Variants in AMH observed in about 807,000 individuals in gnomAD.
AMH encodes anti-Mullerian hormone.
Under a neutral mutation model 33.3 loss-of-function variants are expected in AMH, and 39 were observed. That is an observed-to-expected ratio of 1.17 (90% CI 0.91 to 1.53). The LOEUF (loss-of-function observed/expected upper bound fraction) is 1.53. Ranked by LOEUF, AMH falls within the 40% of genes most tolerant of loss-of-function variation. The probability of loss-of-function intolerance (pLI) is 0.00; values close to 1 mark genes in which losing one functional copy is unlikely to be tolerated. For synonymous variants in AMH, 536 were observed against 403.0 expected, an observed-to-expected ratio of 1.33 and a Z score of -3.95; for missense variants, 1,019 against 799.8, an observed-to-expected ratio of 1.27 and a Z score of -3.30.
chr19:2,249,735 C>T lies in AMH; in HGVS notation c.403C>T (p.Leu135=), dbSNP rs1262939460. Residue 135 remains leucine, a synonymous_variant, in exon 1 of 5, where the codon CTG becomes TTG. Coordinates refer to ENST00000221496, the MANE Select transcript of AMH (RefSeq NM_000479.5). ...PGGQRLVVLH[L]EEVTWEPTPS... ...GGGGCAGCGCCTGGTGGTCCTACAC[C>T]TGGAGGAAGGTATGTGGGGCCCAGC... 2.0e-6 allele frequency: 3 copies of T among 1,504,474 alleles called. No individual in the cohort carries two copies. Among genetic ancestry groups the T allele is most frequent in the African/African-American group, 1.4e-5 (1 of 71,616 alleles). 93.2% of individuals were successfully genotyped at this position (1,504,474 alleles called of 1,614,324 possible).
chr19:2,249,780 TCTTC>T (rs768622887), intron 1 of AMH, 36 bp downstream of exon 1: 2 of 1,471,896 alleles, frequency 1.4e-6, no homozygotes, highest in African/African-American at 1.4e-5. Context: ...GGCACCGCCG[TCTTC>T]CTTCAGGTGG....
rs1331128032 is a variant in AMH, at chr19:2,250,642, G to T, written c.556-10G>T. ...CTCCATCCAGCCGGGCTGAGCCCTGGTCTCCGCAGAGCCTCTGCCCCTCCC... is the reference window on the plus strand; with the variant it reads ...CTCCATCCAGCCGGGCTGAGCCCTGTTCTCCGCAGAGCCTCTGCCCCTCCC... On this transcript the variant is annotated splice_polypyrimidine_tract_variant and intron_variant, in intron 2 of 4. Transcript: ENST00000221496. 3.2e-6 allele frequency: 5 copies of T among 1,538,700 alleles called. No homozygotes were observed. Among genetic ancestry groups the T allele is most frequent in the Non-Finnish European group, 4.4e-6 (5 of 1,146,766 alleles).
At position 2,250,920 on chromosome 19, in the gene AMH, AC is replaced by A; in HGVS notation, c.740del (p.Pro247ArgfsTer81). 1 of 1,562,822 alleles carries A rather than the reference AC, an allele frequency of 6.4e-7. No homozygotes were observed. The highest frequency in any genetic ancestry group is 8.6e-7 in the Non-Finnish European group (1 of 1,163,104). On this transcript the variant is annotated frameshift_variant, in exon 4 of 5. Transcript: ENST00000221496. LOFTEE classifies it high-confidence loss of function. ...GDDHRCFTRM[T>X]PALLLLPRSE... is the part of the protein sequence containing the mutation. Reference sequence around the variant, plus strand: ...CGACCACCGCTGCTTCACACGGATGACCCCGGCCCTGCTCCTGCTGCCGCGG... The same window carrying A: ...CGACCACCGCTGCTTCACACGGATGACCCGGCCCTGCTCCTGCTGCCGCGG...
At chr19:2,250,288 G>A (rs2025006150) in intron 1 of AMH, 49 bp from the exon 2 acceptor site, 3 of 1,560,782 alleles carry the variant, frequency 1.9e-6, no homozygotes, top group African/African-American at 2.7e-5. Flanking sequence ...AGATTCCCGG[G>A]GGGTGTGGCC....
At position 2,251,714 on chromosome 19, in the gene AMH, C is replaced by T. The variant is rs756456416; in HGVS notation, c.1440C>T (p.Pro480=). The T allele has an allele frequency of 1.2e-6, 2 of 1,611,794 alleles. No individual in the cohort carries two copies. The highest frequency in any genetic ancestry group is 1.1e-5 in the South Asian group (1 of 91,084). The part of the protein sequence containing the change: ...DLRAERSVLI[P]ETYQANNCQG... ...GCGCCGAGCGCTCCGTACTCATCCC[C>T]GAGACCTACCAGGCCAACAATTGCC... The change falls in exon 5 of 5, where the codon CCC becomes CCT. Residue 480 remains proline (P), a synonymous_variant. Coordinates refer to ENST00000221496, the MANE Select transcript of AMH (RefSeq NM_000479.5).
In AMH at chr19:2,251,184, C is replaced by A. The variant is rs764425903; in HGVS notation, c.910C>A (p.Pro304Thr). 25 of 1,510,354 alleles carry A rather than the reference C, an allele frequency of 1.7e-5. No individual in the cohort carries two copies. In the South Asian group the frequency reaches 2.3e-4, roughly 14 times the overall value. 93.6% of individuals were successfully genotyped at this position (1,510,354 alleles called of 1,614,324 possible). A position where few individuals can be genotyped will look rare whatever the true frequency, so the allele number is the denominator to read the frequency against. ...LTRLVRALRV[P>T]PARASAPRLA... The stretch of plus-strand genomic sequence containing the variant: ...GCGCCTGGTGCGGGCGCTGCGGGTC[C>A]CCCCGGCCCGGGCCTCCGCGCCGCG... Residue 304 changes from proline (P) to threonine (T), a missense_variant, in exon 5 of 5, where the codon CCC becomes ACC. Pro to Thr is a conservative substitution (Grantham distance 38). Transcript: ENST00000221496.
rs2025038162 is a variant in AMH at position 2,251,306 on chromosome 19, G to A, written c.1032G>A (p.Glu344=). 4 of 1,502,956 alleles carry A rather than the reference G, an allele frequency of 2.7e-6. No individual in the cohort carries two copies. Among genetic ancestry groups the A allele is most frequent in the Non-Finnish European group, 3.5e-6 (4 of 1,133,786 alleles). The allele number at this position is 1,502,956 out of a possible 1,614,324, so 93.1% of individuals were successfully genotyped here. Residue 344 remains glutamate (E), a synonymous_variant, in exon 5 of 5, where the codon GAG becomes GAA. Transcript: ENST00000221496. ...AALERLLDGE[E]PLLLLLRPTA... is the part of the protein sequence containing the mutation. Reference sequence around the variant, plus strand: ...TGGAGCGCCTACTCGACGGCGAGGAGCCGCTGCTGCTGCTGCTGAGGCCCA... The same window carrying A: ...TGGAGCGCCTACTCGACGGCGAGGAACCGCTGCTGCTGCTGCTGAGGCCCA...
At chr19:2,250,263 A>AG in intron 1 of AMH, 74 bp from the exon 2 acceptor site, 1 of 1,541,522 alleles carries the variant, frequency 6.5e-7, no homozygotes. Context: ...CCAGAGCGGC[A>AG]GGGACAGATC....
rs144093812 is a variant in AMH at position 2,250,500 on chromosome 19, G to A, written c.555+21G>A. The stretch of plus-strand genomic sequence containing the variant: ...CCCAGGTACCAGGGAGTTGCATGGG[G>A]CAGTGCCCGGGCCGTGGCGGGGGGC... On this transcript the variant is annotated intron_variant, in intron 2 of 4. Coordinates refer to ENST00000221496, the MANE Select transcript of AMH (RefSeq NM_000479.5). The A allele has an allele frequency of 3.0e-4, 461 of 1,545,886 alleles. 3 individuals are homozygous for A. In the African/African-American group the frequency reaches 5.3e-3, roughly 18 times the overall value.
rs1475413277 is a variant in AMH at position 2,250,925 on chromosome 19, G to A, written c.741G>A (p.Pro247=). 5.1e-6 allele frequency: 8 copies of A among 1,559,298 alleles called. No homozygotes were observed. The Admixed American group carries it at 5.5e-5, about 11-fold the overall frequency. ...DDHRCFTRMT[P]ALLLLPRSEP... is the part of the protein sequence containing the mutation. Reference sequence around the variant, plus strand: ...ACCGCTGCTTCACACGGATGACCCCGGCCCTGCTCCTGCTGCCGCGGTCCG... The same window carrying A: ...ACCGCTGCTTCACACGGATGACCCCAGCCCTGCTCCTGCTGCCGCGGTCCG... The change falls in exon 4 of 5, where the codon CCG becomes CCA. Residue 247 remains proline (P), a synonymous_variant. Transcript: ENST00000221496.
chr19:2,251,971 C>G lies in AMH; in HGVS notation c.*14C>G. 1 of 1,537,898 alleles carries G rather than the reference C, an allele frequency of 6.5e-7. No individual in the cohort carries two copies. The highest frequency in any genetic ancestry group is 8.7e-7 in the Non-Finnish European group (1 of 1,149,192). On this transcript the variant is annotated 3_prime_UTR_variant, in exon 5 of 5. Coordinates refer to ENST00000221496, the MANE Select transcript of AMH (RefSeq NM_000479.5). ...GGCTGCCGGTGACCCCTGCGCCGCG[C>G]GGACTCCTGCCCCGAGGGTCCGGAC...
At position 2,252,061 on chromosome 19, in the gene AMH, G is replaced by A. The variant is rs557878429; in HGVS notation, c.*104G>A. 8 of 1,475,332 alleles carry A rather than the reference G, an allele frequency of 5.4e-6. No homozygotes were observed. In the African/African-American group the frequency reaches 7.0e-5, roughly 13 times the overall value. 91.4% of individuals were successfully genotyped at this position (1,475,332 alleles called of 1,614,324 possible). A position where few individuals can be genotyped will look rare whatever the true frequency, so the allele number is the denominator to read the frequency against. On this transcript the variant is annotated 3_prime_UTR_variant, in exon 5 of 5. Transcript: ENST00000221496. Reference sequence around the variant, plus strand: ...CCAAGCATCGCCCCAATAAAGACCAGCAAGCAACCGGCTGGGGTGTCCGTG... The same window carrying A: ...CCAAGCATCGCCCCAATAAAGACCAACAAGCAACCGGCTGGGGTGTCCGTG...
Position 2,251,318 on chromosome 19 carries a change from G to A in AMH, c.1044G>A (p.Leu348=). The change falls in exon 5 of 5, where the codon CTG becomes CTA. Residue 348 remains leucine (L), a synonymous_variant. Transcript: ENST00000221496. ...RLLDGEEPLL[L]LLRPTAATTG... is the part of the protein sequence containing the mutation. ...TCGACGGCGAGGAGCCGCTGCTGCT[G>A]CTGCTGAGGCCCACTGCGGCCACCA... 1 of 1,502,346 alleles carries A rather than the reference G, an allele frequency of 6.7e-7. No homozygotes were observed. The highest frequency in any genetic ancestry group is 8.8e-7 in the Non-Finnish European group (1 of 1,133,452). 93.1% of individuals were successfully genotyped at this position (1,502,346 alleles called of 1,614,324 possible).
rs759625629 is a variant in AMH at position 2,251,787 on chromosome 19, A to C, written c.1513A>C (p.Asn505His). Reference sequence around the variant, plus strand: ...GTCCGACCGCAACCCGCGCTACGGCAACCACGTGGTGCTGCTGCTGAAGAT... The same window carrying C: ...GTCCGACCGCAACCCGCGCTACGGCCACCACGTGGTGCTGCTGCTGAAGAT... ...PQSDRNPRYG[N>H]HVVLLLKMQV... The change falls in exon 5 of 5, where the codon AAC (asparagine) becomes CAC (histidine). Residue 505 changes from asparagine (N) to histidine (H), a missense_variant. Coordinates refer to ENST00000221496, the MANE Select transcript of AMH (RefSeq NM_000479.5). 1 of 1,609,868 alleles carries C rather than the reference A, an allele frequency of 6.2e-7. No homozygotes were observed. The highest frequency in any genetic ancestry group is 1.3e-5 in the African/African-American group (1 of 74,888).
rs775500338 is a variant in AMH at position 2,250,665 on chromosome 19, C to T, written c.569C>T (p.Ser190Phe). Residue 190 changes from serine to phenylalanine, a missense_variant, in exon 3 of 5, where the codon TCC becomes TTC. Ser to Phe is a radical substitution (Grantham distance 155, BLOSUM62 -2). Coordinates refer to ENST00000221496, the MANE Select transcript of AMH (RefSeq NM_000479.5). ...TGGTCTCCGCAGAGCCTCTGCCCCTCCCGAGACACCCGCTACCTGGTGTTA... is the reference window on the plus strand; with the variant it reads ...TGGTCTCCGCAGAGCCTCTGCCCCTTCCGAGACACCCGCTACCTGGTGTTA... ...GLPGAQSLCPSRDTRYLVLAV... is the reference protein window; with the variant it reads ...GLPGAQSLCPFRDTRYLVLAV... 10 of 1,539,294 alleles carry T rather than the reference C, an allele frequency of 6.5e-6. No homozygotes were observed. The South Asian group carries it at 7.1e-5, about 11-fold the overall frequency.
Position 2,251,153 on chromosome 19 carries a change from G to A in AMH, c.879G>A (p.Thr293=), listed in dbSNP as rs898529503. 2.6e-6 allele frequency: 4 copies of A among 1,526,550 alleles called. No individual in the cohort carries two copies. In the East Asian group the frequency reaches 7.6e-5, roughly 29 times the overall value. 94.6% of individuals were successfully genotyped at this position (1,526,550 alleles called of 1,614,324 possible). Residue 293 remains threonine (T), a synonymous_variant, in exon 5 of 5, where the codon ACG becomes ACA. Transcript: ENST00000221496. The part of the protein sequence containing the change: ...SPPSADPFLE[T]LTRLVRALRV... ...CCAGCGCAGACCCCTTCCTGGAGAC[G>A]CTCACGCGCCTGGTGCGGGCGCTGC...
chr19:2,250,455 G>A lies in AMH; in HGVS notation c.531G>A (p.Thr177=), dbSNP rs1484755463. 1.3e-6 allele frequency: 2 copies of A among 1,551,386 alleles called. No individual in the cohort carries two copies. The highest frequency in any genetic ancestry group is 2.4e-5 in the East Asian group (1 of 41,364). ...GGCCTGGCCCTGAGGTCACTGTGAC[G>A]AGGGCTGGGCTGCCGGGTGCCCAGG... is the stretch of plus-strand genomic sequence containing the variant. ...YPGPGPEVTV[T]RAGLPGAQSL... is the part of the protein sequence containing the mutation. Residue 177 remains threonine, a synonymous_variant, in exon 2 of 5, where the codon ACG becomes ACA. Transcript: ENST00000221496.
Position 2,250,997 on chromosome 19 carries a change from C to A in AMH, c.813C>A (p.Phe271Leu). ...PAHGQLDTVP[F>L]PPPRPSAELE... ...ACGGCCAGCTGGACACCGTGCCCTT[C>A]CCGCCGCCCAGGTGCGCGCAGGCAC... is the stretch of plus-strand genomic sequence containing the variant. Residue 271 changes from phenylalanine to leucine, a missense_variant, in exon 4 of 5, where the codon TTC (phenylalanine) becomes TTA (leucine). Coordinates refer to ENST00000221496, the MANE Select transcript of AMH (RefSeq NM_000479.5). The A allele has an allele frequency of 6.6e-7, 1 of 1,514,214 alleles. No individual in the cohort carries two copies. The highest frequency in any genetic ancestry group is 8.8e-7 in the Non-Finnish European group (1 of 1,138,006). 93.8% of individuals were successfully genotyped at this position (1,514,214 alleles called of 1,614,324 possible).
intron 1 of AMH, 173 bp from the exon 2 acceptor site, chr19:2,250,164 G>A (rs2145026462): frequency 1.8e-6 from 2 of 1,120,782 alleles, no homozygotes; most frequent in Admixed American, 2.0e-5. Flanking sequence ...CGCAGCCCCT[G>A]CCTGCCCCTG....
Sources: allele counts gnomAD v4.1 joint callset, GRCh38; gene constraint gnomAD v4.1.1; transcripts MANE v1.5; gene names NCBI Gene and HGNC (gene_info 2026-07-23, HGNC 2026-07-21).